The following ZCCHC4 variants were observed in gnomAD, a reference collection of about 807,000 sequenced individuals.
ZCCHC4 encodes the protein rRNA N(6)-adenosine-methyltransferase ZCCHC4.
ZCCHC4 carries 54 observed loss-of-function variants against 67.7 expected under a neutral mutation model. The observed-to-expected ratio is 0.80, with a 90% confidence interval of 0.64 to 1.00. The LOEUF (loss-of-function observed/expected upper bound fraction) is 1.00, where lower values mean the gene tolerates loss of function less well. ZCCHC4 is among the 50% of genes least tolerant of loss of function. The pLI is 0.00. For synonymous variants in ZCCHC4, 198 were observed against 213.5 expected, an observed-to-expected ratio of 0.93 and a Z score of 0.63; for missense variants, 609 against 617.0, an observed-to-expected ratio of 0.99 and a Z score of 0.14.
chr4:25,319,207 C>A (rs1211219132), intron 3 of ZCCHC4, among the ~76,000 whole-genome samples: 1 of 151,588 alleles, frequency 6.6e-6, no homozygotes, highest in East Asian at 1.9e-4. Context: ...CATGGTGAAA[C>A]CCCGTCTCTA....
At chr4:25,339,869 T>C (rs933941792) in intron 5 of ZCCHC4, among the ~76,000 whole-genome samples, 1 of 151,728 alleles carries the variant, frequency 6.6e-6, no homozygotes, top group African/African-American at 2.4e-5. Flanking sequence ...TTAATCTATT[T>C]TGAGATTTTT....
At chr4:25,346,338 T>C (rs1720019877) in intron 6 of ZCCHC4, among the ~76,000 whole-genome samples, 1 of 152,242 alleles carries the variant, frequency 6.6e-6, no homozygotes, top group Non-Finnish European at 1.5e-5. Context: ...ACATTTAGTT[T>C]AAGCTCTTTG....
chr4:25,362,268 AC>A lies in ZCCHC4; in HGVS notation c.1177del (p.His393ThrfsTer26), dbSNP rs1450562669. The A allele has an allele frequency of 1.2e-6, 2 of 1,610,940 alleles. No individual in the cohort carries two copies. The highest frequency in any genetic ancestry group is 2.7e-5 in the African/African-American group (2 of 74,840). On this transcript the variant is annotated frameshift_variant, in exon 10 of 13. Coordinates refer to ENST00000302874, the MANE Select transcript of ZCCHC4 (RefSeq NM_024936.3). LOFTEE classifies it high-confidence loss of function. Reference sequence around the variant, plus strand: ...AACGGTATGTTTCTCTAGAGAATCAACACTGTGAGCTCTGTAATTCTTGCAC... The same window carrying A: ...AACGGTATGTTTCTCTAGAGAATCAAACTGTGAGCTCTGTAATTCTTGCAC... ...CQRYVSLENQ[H>X]CELCNSCTSK...
rs908917435 is a variant in ZCCHC4 at position 25,315,220 on chromosome 4, T to C, written c.247-98T>C. On this transcript the variant is annotated intron_variant, in intron 2 of 12. Coordinates refer to ENST00000302874, the MANE Select transcript of ZCCHC4 (RefSeq NM_024936.3). ...CTGAAATGAATGCCTGTTGAGTTGG[T>C]TGAATTTCTGACTTCTTGATGTCAG... The C allele has an allele frequency of 1.5e-5, 16 of 1,087,232 alleles. No homozygotes were observed. The South Asian group carries it at 2.9e-4, about 20-fold the overall frequency. The allele number at this position is 1,087,232 out of a possible 1,614,324, so 67.3% of individuals were successfully genotyped here.
chr4:25,368,422 G>GT (rs1721026543), intron 12 of ZCCHC4, among the ~76,000 whole-genome samples: 1 of 152,224 alleles, frequency 6.6e-6, no homozygotes, highest in Non-Finnish European at 1.5e-5. Context: ...GTGTGGTTCA[G>GT]TGTTTTCAGA....
In ZCCHC4 at chr4:25,361,935, A is replaced by G; in HGVS notation, c.1088A>G (p.Asn363Ser). Residue 363 changes from asparagine (N) to serine (S), a missense_variant, in exon 9 of 13, where the codon AAC (asparagine) becomes AGC (serine). Asn to Ser is a conservative substitution (Grantham distance 46, BLOSUM62 1). Coordinates refer to ENST00000302874, the MANE Select transcript of ZCCHC4 (RefSeq NM_024936.3). The part of the protein sequence containing the change: ...RKQSPVRIFT[N>S]IPPNKIILPT... The stretch of plus-strand genomic sequence containing the variant: ...CAGTCTCCCGTGCGTATTTTCACCA[A>G]CATTCCGCCCAACAAAATAATCCTT... 1 of 1,614,116 alleles carries G rather than the reference A, an allele frequency of 6.2e-7. No homozygotes were observed. Among genetic ancestry groups the G allele is most frequent in the Non-Finnish European group, 8.5e-7 (1 of 1,179,986 alleles).
At chr4:25,352,983 A>C (rs970517971) in intron 8 of ZCCHC4, among the ~76,000 whole-genome samples, 4 of 152,240 alleles carry the variant, frequency 2.6e-5, no homozygotes, top group African/African-American at 9.6e-5. Context: ...GTTCACTTTT[A>C]ATCTTTTTTT....
At chr4:25,329,405 C>G (rs577872372) in intron 3 of ZCCHC4, among the ~76,000 whole-genome samples, 1 of 151,276 alleles carries the variant, frequency 6.6e-6, no homozygotes, top group Non-Finnish European at 1.5e-5. Context: ...ATTCTGAGAC[C>G]GTACCTTCAA....
At chr4:25,327,359 T>C (rs1269730392) in intron 3 of ZCCHC4, among the ~76,000 whole-genome samples, 1 of 152,114 alleles carries the variant, frequency 6.6e-6, no homozygotes, top group Non-Finnish European at 1.5e-5. Flanking sequence ...TGCCCTTCTA[T>C]TTCTGGTTTT....
chr4:25,314,231 T>A, intron 2 of ZCCHC4, 67 bp downstream of exon 2: 1 of 995,642 alleles, frequency 1.0e-6, no homozygotes, highest in Non-Finnish European at 1.5e-6. Context: ...TGAGAACGTG[T>A]AAACCAATAA....
chr4:25,322,350 A>T (rs1577726162), intron 3 of ZCCHC4, among the ~76,000 whole-genome samples: 1 of 151,772 alleles, frequency 6.6e-6, no homozygotes, highest in Non-Finnish European at 1.5e-5. Flanking sequence ...CCCACTCCCC[A>T]CCCCAGCTTC....
In ZCCHC4 at chr4:25,314,214, A is replaced by G. The variant is rs751376231; in HGVS notation, c.246+50A>G. ...TTTTTTATTTTTGGTATGTGTGACA[A>G]TTTTGTTGAGAACGTGTAAACCAAT... On this transcript the variant is annotated intron_variant, in intron 2 of 12. Coordinates refer to ENST00000302874, the MANE Select transcript of ZCCHC4 (RefSeq NM_024936.3). 1.0e-5 allele frequency: 13 copies of G among 1,267,574 alleles called. No individual in the cohort carries two copies. The Admixed American group carries it at 1.8e-4, about 17-fold the overall frequency. The allele number at this position is 1,267,574 out of a possible 1,614,324, so 78.5% of individuals were successfully genotyped here.
chr4:25,320,182 CT>C (rs1450026946), intron 3 of ZCCHC4, among the ~76,000 whole-genome samples: 79 of 145,932 alleles, frequency 5.4e-4, no homozygotes, highest in Non-Finnish European at 8.9e-4. Flanking sequence ...CTGAGATTTG[CT>C]TTTTTTTTTA....
At chr4:25,316,596 G>C (rs979194837) in intron 3 of ZCCHC4, among the ~76,000 whole-genome samples, 1 of 151,460 alleles carries the variant, frequency 6.6e-6, no homozygotes, top group African/African-American at 2.4e-5. Context: ...CATTTCATGT[G>C]CTTACTGGCT....
At chr4:25,363,915 T>A (rs1011474358) in intron 10 of ZCCHC4, among the ~76,000 whole-genome samples, 1 of 152,154 alleles carries the variant, frequency 6.6e-6, no homozygotes, top group East Asian at 1.9e-4. Flanking sequence ...TCCAGAGGGC[T>A]GGTGGTATTT....
At chr4:25,314,915 G>A (rs1395596561) in intron 2 of ZCCHC4, among the ~76,000 whole-genome samples, 1 of 152,210 alleles carries the variant, frequency 6.6e-6, no homozygotes, top group African/African-American at 2.4e-5. Context: ...GGCACTTAGA[G>A]ATATAGTCAT....
chr4:25,316,335 A>G (rs1467109398), intron 3 of ZCCHC4, among the ~76,000 whole-genome samples: 1 of 152,210 alleles, frequency 6.6e-6, no homozygotes, highest in Non-Finnish European at 1.5e-5. Flanking sequence ...TCTTTTGGGT[A>G]TATACCTAGA....
In ZCCHC4 at chr4:25,345,029, G is replaced by T. The variant is rs145361767; in HGVS notation, c.687-519G>T. Reference sequence around the variant, plus strand: ...TGTTGCCCAGGTTGGTCTCAAACTCGTTAGCTCAAGCAATCTGCCTGCCTC... The same window carrying T: ...TGTTGCCCAGGTTGGTCTCAAACTCTTTAGCTCAAGCAATCTGCCTGCCTC... On this transcript the variant is annotated intron_variant, in intron 5 of 12. Transcript: ENST00000302874. Among the ~76,000 whole-genome samples the T allele has an allele frequency of 6.8e-3, 1,029 of 151,866 alleles. 10 individuals carry two copies. Among genetic ancestry groups the T allele is most frequent in the African/African-American group, 0.023 (965 of 41,422 alleles).
chr4:25,359,408 G>T lies in ZCCHC4; in HGVS notation c.1012-2451G>T, dbSNP rs1012041406. Among the ~76,000 whole-genome samples, 3 of 152,166 alleles carry T rather than the reference G, an allele frequency of 2.0e-5. No homozygotes were observed. The highest frequency in any genetic ancestry group is 4.8e-5 in the African/African-American group (2 of 41,440). Reference sequence around the variant, plus strand: ...AATGGGGACCTCCAGGCACAGGCGGGGCACCTGGAGGCTCGGCTACAGAGC... The same window carrying T: ...AATGGGGACCTCCAGGCACAGGCGGTGCACCTGGAGGCTCGGCTACAGAGC... On this transcript the variant is annotated intron_variant, in intron 8 of 12. Coordinates refer to ENST00000302874, the MANE Select transcript of ZCCHC4 (RefSeq NM_024936.3). This position sits in a 1 kb window ranked among gnomAD's most constrained non-coding sequence, Gnocchi z 4.9.
Sources: gnomAD v4.1 joint callset for allele counts (sites outside exome capture counted in the v4.1 genomes callset) on GRCh38, gnomAD v4.1.1 for gene constraint, Gnocchi (gnomAD v3.1) non-coding constraint, MANE v1.5 for transcripts, NCBI Gene and HGNC (gene_info 2026-07-23, HGNC 2026-07-21) for gene names.